The following C9 variants were observed in gnomAD, a reference collection of about 807,000 sequenced individuals.
C9 encodes the protein complement C9.
A neutral mutation model predicts 65.4 loss-of-function variants in C9; 63 were observed. That is an observed-to-expected ratio of 0.96 (90% CI 0.79 to 1.19). The LOEUF (loss-of-function observed/expected upper bound fraction) is 1.19. C9 is among the 50% of genes most tolerant of loss of function. C9 has a pLI of 0.00. For missense variants in C9, 744 were observed against 670.1 expected, an observed-to-expected ratio of 1.11 and a Z score of -1.22; for synonymous variants, 229 against 227.9, an observed-to-expected ratio of 1.00 and a Z score of -0.04.
intron 6 of C9, among the ~76,000 whole-genome samples, chr5:39,314,698 C>T (rs1039834746): frequency 2.6e-5 from 4 of 152,092 alleles, no homozygotes; most frequent in African/African-American, 4.8e-5. Flanking sequence ...AAATCTTACT[C>T]TTTGGCTATC....
At chr5:39,330,768 AC>A (rs1753825594) in intron 5 of C9, among the ~76,000 whole-genome samples, 1 of 152,216 alleles carries the variant, frequency 6.6e-6, no homozygotes. Context: ...GTGAAAAAAA[AC>A]ATGCCAGTCA....
intron 1 of C9, among the ~76,000 whole-genome samples, chr5:39,348,400 A>G (rs1242119548): frequency 3.3e-5 from 5 of 152,174 alleles, no homozygotes; most frequent in Admixed American, 6.5e-5. Flanking sequence ...CATTTATGCA[A>G]CCAACAGACA....
At chr5:39,347,717 T>G (rs1157989615) in intron 1 of C9, among the ~76,000 whole-genome samples, 1 of 152,028 alleles carries the variant, frequency 6.6e-6, no homozygotes, top group Non-Finnish European at 1.5e-5. Flanking sequence ...ACCAAGATAA[T>G]CCTAAGCCAA....
At position 39,288,756 on chromosome 5, in the gene C9, C is replaced by T. The variant is rs1169263457; in HGVS notation, c.1612G>A (p.Ala538Thr). Residue 538 changes from alanine (A) to threonine (T), a missense_variant, in exon 10 of 11, where the codon GCC becomes ACC. Ala to Thr is a moderately conservative substitution (Grantham distance 58). Transcript: ENST00000263408. Reference sequence around the variant, plus strand: ...ATTTTTTGTTTACTGATTTCACAGGCAATTCCCTCAAATTTGAATGGGCAG... The same window carrying T: ...ATTTTTTGTTTACTGATTTCACAGGTAATTCCCTCAAATTTGAATGGGCAG... The part of the protein sequence containing the change: ...CACPFKFEGI[A>T]CEISKQKISE... The T allele has an allele frequency of 6.2e-7, 1 of 1,611,584 alleles. No homozygotes were observed. Among genetic ancestry groups the T allele is most frequent in the Admixed American group, 1.7e-5 (1 of 59,828 alleles).
intron 1 of C9, 110 bp from the exon 2 acceptor site, chr5:39,342,306 ACTTAT>A: frequency 4.5e-6 from 3 of 664,136 alleles, no homozygotes; most frequent in Non-Finnish European, 8.3e-6. Flanking sequence ...AAATTATACC[ACTTAT>A]CTTTTTACTA....
intron 1 of C9, among the ~76,000 whole-genome samples, chr5:39,360,392 G>T (rs1314094920): frequency 1.3e-5 from 2 of 152,038 alleles, no homozygotes; most frequent in East Asian, 1.9e-4. Flanking sequence ...TCTCTCCAGA[G>T]CCCAGGTAAC....
chr5:39,330,363 C>T (rs780181403), intron 5 of C9, among the ~76,000 whole-genome samples: 7 of 152,144 alleles, frequency 4.6e-5, no homozygotes, highest in African/African-American at 7.2e-5. Flanking sequence ...CCTTTCCAAA[C>T]GTGGCTTCAA....
chr5:39,359,320 A>T (rs571814853), intron 1 of C9, among the ~76,000 whole-genome samples: 1 of 151,652 alleles, frequency 6.6e-6, no homozygotes, highest in African/African-American at 2.4e-5. Flanking sequence ...TCAAGAAGAG[A>T]TGTTGACTAA....
chr5:39,311,574 C>G (rs1471535714), intron 6 of C9, among the ~76,000 whole-genome samples, 197 bp from the exon 7 acceptor site: 1 of 152,106 alleles, frequency 6.6e-6, no homozygotes, highest in Non-Finnish European at 1.5e-5. Flanking sequence ...GTGACTAAAA[C>G]TCTCCTACAT....
chr5:39,294,501 G>A lies in C9; in HGVS notation c.1417-5550C>T, dbSNP rs527845993. 4.6e-5 allele frequency among the ~76,000 whole-genome samples: 7 copies of A among 151,758 alleles called. No individual in the cohort carries two copies. The South Asian group carries it at 1.0e-3, about 23-fold the overall frequency. ...AATTTCTAGACACATACAACCTCTC[G>A]AGTTTGAACCAAGAATAAATAGAAT... On this transcript the variant is annotated intron_variant, in intron 9 of 10. Transcript: ENST00000263408.
chr5:39,343,038 C>T lies in C9; in HGVS notation c.78-842G>A, dbSNP rs566636416. 2.0e-5 allele frequency among the ~76,000 whole-genome samples: 3 copies of T among 152,252 alleles called. No individual in the cohort carries two copies. In the East Asian group the frequency reaches 5.8e-4, roughly 29 times the overall value. ...GACACTGATCCTTCCTATAGTTAGGCCTCTTAAACCACAGAAAAGGCTAGC... is the reference window on the plus strand; with the variant it reads ...GACACTGATCCTTCCTATAGTTAGGTCTCTTAAACCACAGAAAAGGCTAGC... On this transcript the variant is annotated intron_variant, in intron 1 of 10. Transcript: ENST00000263408.
chr5:39,342,122 C>T lies in C9; in HGVS notation c.152G>A (p.Trp51Ter). 16 of 1,605,762 alleles carry T rather than the reference C, an allele frequency of 1.0e-5. No homozygotes were observed. Among genetic ancestry groups the T allele is most frequent in the Non-Finnish European group, 1.3e-5 (15 of 1,172,390 alleles). ...IDCRMSPWSE[W>*]SQCDPCLRQM... ...TCTGAGACAAGGATCGCATTGTGACCATTCACTCCAGGGGCTCATTCTGCA... is the reference window on the plus strand; with the variant it reads ...TCTGAGACAAGGATCGCATTGTGACTATTCACTCCAGGGGCTCATTCTGCA... The change falls in exon 2 of 11, where the codon TGG becomes TAG. Residue 51 changes from tryptophan to a stop codon, truncating the protein, a stop_gained. Coordinates refer to ENST00000263408, the MANE Select transcript of C9 (RefSeq NM_001737.5). LOFTEE classifies it high-confidence loss of function.
chr5:39,341,788 C>A, intron 2 of C9, 88 bp from the exon 3 acceptor site: 1 of 1,151,314 alleles, frequency 8.7e-7, no homozygotes, highest in Non-Finnish European at 1.3e-6. Context: ...TATATCCCTG[C>A]AATGAGTCAA....
intron 4 of C9, among the ~76,000 whole-genome samples, chr5:39,336,056 ATGT>A (rs144955351): frequency 0.01 from 1,532 of 152,292 alleles, 34 homozygotes; most frequent in African/African-American, 0.035. Flanking sequence ...ATTCCTAATA[ATGT>A]TGTCATTATT....
chr5:39,353,843 G>A (rs561769334), intron 1 of C9, among the ~76,000 whole-genome samples: 2 of 152,200 alleles, frequency 1.3e-5, no homozygotes, highest in East Asian at 1.9e-4. Flanking sequence ...AAACATAATA[G>A]GTACTCAGGA....
intron 6 of C9, among the ~76,000 whole-genome samples, chr5:39,313,235 A>C (rs1438234763): frequency 2.0e-5 from 3 of 152,162 alleles, no homozygotes; most frequent in African/African-American, 4.8e-5. Flanking sequence ...TCAGTTTTCT[A>C]TACTGTATAT....
chr5:39,299,954 T>G (rs893130944), intron 9 of C9, among the ~76,000 whole-genome samples: 1 of 152,098 alleles, frequency 6.6e-6, no homozygotes, highest in Non-Finnish European at 1.5e-5. Flanking sequence ...GACTGGAAAA[T>G]GTACACTAAA....
chr5:39,295,449 C>A (rs943356865), intron 9 of C9, among the ~76,000 whole-genome samples: 1 of 151,460 alleles, frequency 6.6e-6, no homozygotes, highest in South Asian at 2.1e-4. Flanking sequence ...AAAGTCAATA[C>A]CATTTACAAT....
At chr5:39,348,613 C>A (rs540626200) in intron 1 of C9, among the ~76,000 whole-genome samples, 7 of 152,078 alleles carry the variant, frequency 4.6e-5, no homozygotes, top group Admixed American at 1.3e-4. Context: ...GTCAGTGTGG[C>A]GATTCCTCAG....
Sources: allele counts gnomAD v4.1 joint callset (sites outside exome capture counted in the v4.1 genomes callset), GRCh38; gene constraint gnomAD v4.1.1; transcripts MANE v1.5; gene names NCBI Gene and HGNC (gene_info 2026-07-23, HGNC 2026-07-21).